SPEF2: variants seen among roughly 807,000 people sequenced by gnomAD.
SPEF2 encodes the protein sperm flagellar and cilia associated 2.
SPEF2 carries 187 observed loss-of-function variants against 224.6 expected under a neutral mutation model. That is an observed-to-expected ratio of 0.83 (90% confidence interval 0.74 to 0.94). The LOEUF is 0.94. SPEF2 is among the 40% of genes least tolerant of loss of function. The probability of loss-of-function intolerance (pLI) is 0.00; values close to 1 mark genes in which losing one functional copy is unlikely to be tolerated. For synonymous variants in SPEF2, 715 were observed against 707.3 expected (o/e 1.01, Z -0.17); for missense variants, 2,170 against 2,135.6 (o/e 1.02, Z -0.32).
At chr5:35,671,082 T>C (rs1215116648) in intron 10 of SPEF2, 1 of 985,380 alleles carries the variant, frequency 1.0e-6, no homozygotes, top group East Asian at 1.1e-4. Context: ...AGTGAGGCTT[T>C]TTATTAGAAA....
At chr5:35,800,186 G>A (rs1408706000) in intron 34 of SPEF2, 39 bp downstream of exon 34, 1 of 1,591,464 alleles carries the variant, frequency 6.3e-7, no homozygotes, top group African/African-American at 1.4e-5. Flanking sequence ...ATAGAGTCTA[G>A]AGGGGATGCC....
intron 23 of SPEF2, among the ~76,000 whole-genome samples, chr5:35,749,839 A>G (rs1580571145): frequency 1.3e-5 from 2 of 152,198 alleles, no homozygotes; most frequent in South Asian, 4.1e-4. Flanking sequence ...TCTTCAGAGA[A>G]TTATAAAAAA....
chr5:35,789,071 G>A (rs773053691), intron 30 of SPEF2: 18 of 680,720 alleles, frequency 2.6e-5, no homozygotes, highest in Admixed American at 2.0e-4. Flanking sequence ...TGCTTTTTCA[G>A]AATCACAGAA....
At chr5:35,704,826 T>G (rs1488839695) in intron 17 of SPEF2, among the ~76,000 whole-genome samples, 164 bp downstream of exon 17, 2 of 152,098 alleles carry the variant, frequency 1.3e-5, no homozygotes, top group Non-Finnish European at 2.9e-5. Flanking sequence ...AATATTTATG[T>G]GCTAGCTTTC....
chr5:35,636,992 G>T (rs1343928460), intron 2 of SPEF2, among the ~76,000 whole-genome samples: 1 of 147,438 alleles, frequency 6.8e-6, no homozygotes, highest in Non-Finnish European at 1.5e-5. Context: ...AAAAAAAAAA[G>T]AAAAAAGAAA....
At chr5:35,639,007 C>G (rs1746227532) in intron 2 of SPEF2, among the ~76,000 whole-genome samples, 1 of 152,070 alleles carries the variant, frequency 6.6e-6, no homozygotes, top group Non-Finnish European at 1.5e-5. Context: ...AAAAGGGTCC[C>G]CATCTGGCTG....
At chr5:35,625,413 G>A (rs915404674) in intron 1 of SPEF2, among the ~76,000 whole-genome samples, 1 of 152,188 alleles carries the variant, frequency 6.6e-6, no homozygotes, top group African/African-American at 2.4e-5. Context: ...GAAGATGAAG[G>A]AAACGGATTT....
At chr5:35,660,822 T>A (rs1314053465) in intron 8 of SPEF2, among the ~76,000 whole-genome samples, 1 of 152,184 alleles carries the variant, frequency 6.6e-6, no homozygotes, top group African/African-American at 2.4e-5. Flanking sequence ...GTGATAAGGA[T>A]CATCTATTCT....
At chr5:35,710,629 A>G in intron 19 of SPEF2, 1 of 985,140 alleles carries the variant, frequency 1.0e-6, no homozygotes, top group Non-Finnish European at 1.2e-6. Context: ...GAATTATCGA[A>G]TATCGTCCTT....
At chr5:35,653,966 A>AAT (rs1296655429) in intron 6 of SPEF2, among the ~76,000 whole-genome samples, 1 of 124,122 alleles carries the variant, frequency 8.1e-6, no homozygotes, top group Non-Finnish European at 1.7e-5. Flanking sequence ...AAAAAAAAAA[A>AAT]GTAAAATAAC....
At chr5:35,680,188 C>T (rs1009714962) in intron 10 of SPEF2, among the ~76,000 whole-genome samples, 2 of 152,160 alleles carry the variant, frequency 1.3e-5, no homozygotes, top group Non-Finnish European at 2.9e-5. Flanking sequence ...TCATATATTA[C>T]ATCTTAAATG....
In SPEF2 at chr5:35,700,632, A is replaced by T. The variant is rs558182668; in HGVS notation, c.2278A>T (p.Thr760Ser). 1.2e-6 allele frequency: 2 copies of T among 1,613,994 alleles called. No individual in the cohort carries two copies. Among genetic ancestry groups the T allele is most frequent in the Admixed American group, 3.3e-5 (2 of 59,994 alleles). The change falls in exon 16 of 37, where the codon ACA becomes TCA. Residue 760 changes from threonine (T) to serine (S), a missense_variant. Transcript: ENST00000356031. The stretch of plus-strand genomic sequence containing the variant: ...GGAAAGAAAAAAAGCACAAAAATCC[A>T]CATTGGCTATTGATCCTGCGACTTC... ...EVERKKAQKS[T>S]LAIDPATSKE...
chr5:35,619,290 G>A (rs1743132489), intron 1 of SPEF2, among the ~76,000 whole-genome samples: 1 of 152,108 alleles, frequency 6.6e-6, no homozygotes, highest in Non-Finnish European at 1.5e-5. Context: ...CTCACCATAG[G>A]AGCCAAAATA....
At chr5:35,691,948 C>G (rs62351874) in intron 11 of SPEF2, among the ~76,000 whole-genome samples, 16,672 of 151,700 alleles carry the variant, frequency 0.11, 1,356 homozygotes, top group East Asian at 0.38. Context: ...TACAGGTGCG[C>G]ACCACTACAC....
chr5:35,662,384 A>G (rs1749869922), intron 8 of SPEF2, among the ~76,000 whole-genome samples: 1 of 152,022 alleles, frequency 6.6e-6, no homozygotes. Flanking sequence ...GGTTGTTGGT[A>G]TACTCTGTCA....
At chr5:35,745,221 T>C (rs767729266) in intron 23 of SPEF2, among the ~76,000 whole-genome samples, 2 of 152,004 alleles carry the variant, frequency 1.3e-5, no homozygotes, top group African/African-American at 2.4e-5. Flanking sequence ...CAGGGTTCCA[T>C]TGGGAGGGTG....
chr5:35,793,368 A>G, intron 32 of SPEF2, 27 bp downstream of exon 32: 2 of 1,603,450 alleles, frequency 1.2e-6, no homozygotes, highest in Non-Finnish European at 1.7e-6. Context: ...GATGGCATTG[A>G]TAACACCAGA....
rs774273981 is a variant in SPEF2, at chr5:35,753,659, C to T, written c.3366C>T (p.Ala1122=). The change falls in exon 24 of 37, where the codon GCC becomes GCT. Residue 1122 remains alanine, a synonymous_variant. Coordinates refer to ENST00000356031, the MANE Select transcript of SPEF2 (RefSeq NM_024867.4). ...LRDRLWDICD[A]RKEEAEQERL... ...ACCGCCTGTGGGACATTTGTGATGCCCGGAAGGAAGAGGCGGAGCAGGAGC... is the reference window on the plus strand; with the variant it reads ...ACCGCCTGTGGGACATTTGTGATGCTCGGAAGGAAGAGGCGGAGCAGGAGC... 2 of 1,613,904 alleles carry T rather than the reference C, an allele frequency of 1.2e-6. No homozygotes were observed. The highest frequency in any genetic ancestry group is 2.7e-5 in the African/African-American group (2 of 74,878).
At chr5:35,748,729 A>T (rs1246216266) in intron 23 of SPEF2, among the ~76,000 whole-genome samples, 1 of 152,168 alleles carries the variant, frequency 6.6e-6, no homozygotes, top group African/African-American at 2.4e-5. Flanking sequence ...TTCACAGTAA[A>T]ATTCTACCAG....
Sources: gnomAD v4.1 joint callset for allele counts (sites outside exome capture counted in the v4.1 genomes callset) on GRCh38, gnomAD v4.1.1 for gene constraint, MANE v1.5 for transcripts, NCBI Gene and HGNC (gene_info 2026-07-23, HGNC 2026-07-21) for gene names.